The following ATP10A variants were observed in gnomAD, a reference collection of about 807,000 sequenced individuals.
ATP10A encodes ATPase phospholipid transporting 10A (putative), also known as phospholipid-transporting ATPase VA.
ATP10A carries 111 observed loss-of-function variants against 147.8 expected under a neutral mutation model. The observed-to-expected ratio is 0.75, with a 90% CI of 0.64 to 0.88. The LOEUF (loss-of-function observed/expected upper bound fraction) is 0.88, where lower values mean the gene tolerates loss of function less well. ATP10A is among the 40% of genes least tolerant of loss of function. The pLI, the probability that ATP10A is intolerant of heterozygous loss-of-function variation, is 0.00. For missense variants in ATP10A, 1,927 were observed against 1,959.0 expected (o/e 0.98, Z 0.31); for synonymous variants, 875 against 841.6 (o/e 1.04, Z -0.69).
intron 4 of ATP10A, among the ~76,000 whole-genome samples, chr15:25,726,559 G>C (rs147969290): frequency 6.6e-6 from 1 of 151,068 alleles, no homozygotes; most frequent in African/African-American, 2.4e-5. Flanking sequence ...CTCCTGCCTC[G>C]GCCTCCCTAG....
In ATP10A at chr15:25,810,858, C is replaced by T. The variant is rs145769592; in HGVS notation, c.450-29635G>A. 3.9e-4 allele frequency among the ~76,000 whole-genome samples: 60 copies of T among 152,208 alleles called. 2 individuals are homozygous for T. In the East Asian group the frequency reaches 0.01, roughly 26 times the overall value. ...GCCAAGACCCAAGCACCATCAACTA[C>T]GTCTGACAGCTAAGAGGAGGGCAGC... On this transcript the variant is annotated intron_variant, in intron 1 of 20. Coordinates refer to ENST00000555815, the MANE Select transcript of ATP10A (RefSeq NM_024490.4).
chr15:25,781,203 T>C lies in ATP10A; in HGVS notation c.470A>G (p.Asn157Ser). 6.2e-7 allele frequency: 1 copy of C among 1,613,874 alleles called. No homozygotes were observed. Among genetic ancestry groups the C allele is most frequent in the Non-Finnish European group, 8.5e-7 (1 of 1,179,858 alleles). Residue 157 changes from asparagine (N) to serine (S), a missense_variant, in exon 2 of 21, where the codon AAC (asparagine) becomes AGC (serine). Coordinates refer to ENST00000555815, the MANE Select transcript of ATP10A (RefSeq NM_024490.4). ...CACGTGGATTTCTTTCCAGAATCGG[T>C]TCACGTATTTCTTTTCTTCCCTAGA... ...VFSREEKKYVNRFWKEIHVGD... is the reference protein window; with the variant it reads ...VFSREEKKYVSRFWKEIHVGD...
At chr15:25,740,272 TA>T (rs1887514293) in intron 2 of ATP10A, among the ~76,000 whole-genome samples, 1 of 152,124 alleles carries the variant, frequency 6.6e-6, no homozygotes, top group African/African-American at 2.4e-5. Context: ...ATAAAAAAAC[TA>T]AAGTAAAGAG....
chr15:25,779,153 A>G (rs1889771690), intron 2 of ATP10A, among the ~76,000 whole-genome samples: 1 of 152,222 alleles, frequency 6.6e-6, no homozygotes, highest in South Asian at 2.1e-4. Flanking sequence ...CTGGGATTAC[A>G]GGCATGCGCC....
At position 25,716,874 on chromosome 15, in the gene ATP10A, A is replaced by C; in HGVS notation, c.1632T>G (p.Cys544Trp). The change falls in exon 9 of 21, where the codon TGT becomes TGG. Residue 544 changes from cysteine to tryptophan, a missense_variant. Cys to Trp is a radical substitution (Grantham distance 215, BLOSUM62 -2). Coordinates refer to ENST00000555815, the MANE Select transcript of ATP10A (RefSeq NM_024490.4). Reference sequence around the variant, plus strand: ...GCCTCGCCACGGCTAGGCTCTTGTCACACTCACTCACCTTCTCCAGCAGCT... The same window carrying C: ...GCCTCGCCACGGCTAGGCTCTTGTCCCACTCACTCACCTTCTCCAGCAGCT... ...DPKLLEKVSE[C>W]DKSLAVARHQ... 1.2e-6 allele frequency: 2 copies of C among 1,604,954 alleles called. No individual in the cohort carries two copies. Among genetic ancestry groups the C allele is most frequent in the Non-Finnish European group, 1.7e-6 (2 of 1,175,644 alleles).
chr15:25,735,616 C>T (rs911872555), intron 3 of ATP10A, among the ~76,000 whole-genome samples: 1 of 152,190 alleles, frequency 6.6e-6, no homozygotes, highest in African/African-American at 2.4e-5. Flanking sequence ...TACCACATTA[C>T]ATCCAGTGCC....
chr15:25,683,694 C>A, intron 16 of ATP10A: 2 of 580,948 alleles, frequency 3.4e-6, no homozygotes, highest in Non-Finnish European at 6.1e-6. Context: ...TCCTCACTCC[C>A]TTAAGAAAGA....
At chr15:25,773,080 T>C (rs913724801) in intron 2 of ATP10A, among the ~76,000 whole-genome samples, 3 of 152,170 alleles carry the variant, frequency 2.0e-5, no homozygotes. Flanking sequence ...TAGGCAATAG[T>C]GTTTCCTGAA....
chr15:25,864,991 T>C (rs905888433), upstream of ATP10A: 2 of 150,360 alleles, frequency 1.3e-5, no homozygotes, highest in African/African-American at 4.8e-5. Flanking sequence ...CCAAAGTAAT[T>C]ACCGCCTCAT....
intron 1 of ATP10A, among the ~76,000 whole-genome samples, chr15:25,789,334 C>T (rs765925092): frequency 6.6e-6 from 1 of 152,108 alleles, no homozygotes; most frequent in Non-Finnish European, 1.5e-5. Flanking sequence ...TGAGGCCTCC[C>T]AAGTGAGGTC....
At position 25,862,837 on chromosome 15, in the gene ATP10A, G is replaced by T; in HGVS notation, c.260C>A (p.Ala87Asp). Residue 87 changes from alanine to aspartate, a missense_variant, in exon 1 of 21, where the codon GCC becomes GAC. Ala to Asp is a moderately radical substitution (Grantham distance 126). Transcript: ENST00000555815. ...CGCGATGAAGACAAAGTACACGTTG[G>T]CCGGGCGGTGGAACTGCTCGAACAG... ...KNLFEQFHRP[A>D]NVYFVFIALL... 6.2e-7 allele frequency: 1 copy of T among 1,609,676 alleles called. No homozygotes were observed. Among genetic ancestry groups the T allele is most frequent in the Non-Finnish European group, 8.5e-7 (1 of 1,178,120 alleles).
chr15:25,695,681 C>G (rs1296810897), intron 13 of ATP10A, among the ~76,000 whole-genome samples: 1 of 152,008 alleles, frequency 6.6e-6, no homozygotes, highest in East Asian at 1.9e-4. Flanking sequence ...ACTTGATCAC[C>G]CATGATACAG....
chr15:25,751,879 A>G (rs1304368421), intron 2 of ATP10A, among the ~76,000 whole-genome samples: 3 of 152,166 alleles, frequency 2.0e-5, no homozygotes, highest in Non-Finnish European at 4.4e-5. Context: ...GCTTAGAAGA[A>G]GACATACAAA....
chr15:25,782,839 C>T (rs1366065051), intron 1 of ATP10A, among the ~76,000 whole-genome samples: 2 of 151,946 alleles, frequency 1.3e-5, no homozygotes, highest in Non-Finnish European at 2.9e-5. Context: ...TATGTTACAC[C>T]TTGGAAACAT....
chr15:25,861,497 G>A (rs28392903), intron 1 of ATP10A, among the ~76,000 whole-genome samples: 15,670 of 152,124 alleles, frequency 0.1, 2,060 homozygotes, highest in African/African-American at 0.31. Flanking sequence ...CTCAACTACA[G>A]AGGCACGCAT....
At chr15:25,853,535 A>C (rs1893378638) in intron 1 of ATP10A, among the ~76,000 whole-genome samples, 1 of 152,216 alleles carries the variant, frequency 6.6e-6, no homozygotes, top group Non-Finnish European at 1.5e-5. Context: ...CATGTCAGCC[A>C]GTAACCCCGG....
chr15:25,772,356 C>T (rs1889381588), intron 2 of ATP10A, among the ~76,000 whole-genome samples: 1 of 152,120 alleles, frequency 6.6e-6, no homozygotes, highest in African/African-American at 2.4e-5. Flanking sequence ...GCTTCAGAAC[C>T]CGACTTTGCA....
At chr15:25,858,953 A>T (rs1215949800) in intron 1 of ATP10A, among the ~76,000 whole-genome samples, 1 of 151,954 alleles carries the variant, frequency 6.6e-6, no homozygotes, top group Non-Finnish European at 1.5e-5. Context: ...TCACTGGCCC[A>T]GGTCCTCCTC....
chr15:25,725,047 GCA>G, intron 5 of ATP10A, among the ~76,000 whole-genome samples: 1 of 152,306 alleles, frequency 6.6e-6, no homozygotes, highest in East Asian at 1.9e-4. Context: ...TAGGAACTGG[GCA>G]GCACAGCTGG....
Sources: allele counts gnomAD v4.1 joint callset (sites outside exome capture counted in the v4.1 genomes callset), GRCh38; gene constraint gnomAD v4.1.1; transcripts MANE v1.5; gene names NCBI Gene and HGNC (gene_info 2026-07-23, HGNC 2026-07-21).